The following NCK2 variants were observed in gnomAD, a reference collection of about 807,000 sequenced individuals.
The protein encoded by NCK2 is NCK adaptor protein 2.
In NCK2, 16 loss-of-function variants were observed where a neutral mutation model predicts 33.9. The observed-to-expected ratio is 0.47, with a 90% CI of 0.32 to 0.72. The LOEUF is 0.72. Ranked by LOEUF, NCK2 falls within the 30% of genes least tolerant of loss-of-function variation. The pLI, the probability that NCK2 is intolerant of heterozygous loss-of-function variation, is 0.03. For synonymous variants in NCK2, 273 were observed against 239.9 expected (o/e 1.14, Z -1.27); for missense variants, 418 against 537.3 (o/e 0.78, Z 2.19).
intron 3 of NCK2, among the ~76,000 whole-genome samples, chr2:105,879,569 G>A (rs182585168): frequency 5.9e-5 from 9 of 152,356 alleles, no homozygotes; most frequent in Non-Finnish European, 8.8e-5. Context: ...CCATGCACAT[G>A]CATAAAATGT....
intron 1 of NCK2, among the ~76,000 whole-genome samples, chr2:105,777,773 A>G (rs1206105451): frequency 6.6e-6 from 1 of 152,148 alleles, no homozygotes; most frequent in Non-Finnish European, 1.5e-5. Context: ...AAGCCCTGGT[A>G]GGAACTGTTT....
intron 1 of NCK2, among the ~76,000 whole-genome samples, chr2:105,789,025 C>A (rs983582757): frequency 1.3e-5 from 2 of 152,142 alleles, no homozygotes; most frequent in Non-Finnish European, 2.9e-5. Flanking sequence ...CTCTGCCAAT[C>A]TCCCCCTCCT....
chr2:105,782,368 A>G lies in NCK2; in HGVS notation c.-200-34062A>G, dbSNP rs559569157. Among the ~76,000 whole-genome samples, 65 of 152,276 alleles carry G rather than the reference A, an allele frequency of 4.3e-4. 1 individual carries two copies. Among genetic ancestry groups the G allele is most frequent in the African/African-American group, 1.5e-3 (64 of 41,564 alleles). ...TCTCTCTGCCACCAAAAATCTCCCT[A>G]AAACTAGTTCCACTCTCTCCACAGC... On this transcript the variant is annotated intron_variant, in intron 1 of 4. Coordinates refer to ENST00000233154, the MANE Select transcript of NCK2 (RefSeq NM_003581.5).
intron 1 of NCK2, among the ~76,000 whole-genome samples, chr2:105,751,882 A>C (rs1291942844): frequency 1.3e-5 from 2 of 152,236 alleles, no homozygotes; most frequent in African/African-American, 2.4e-5. Context: ...GTGAACCACA[A>C]ATGCAAGCCC....
intron 1 of NCK2, among the ~76,000 whole-genome samples, chr2:105,775,825 G>T (rs1460115720): frequency 6.6e-6 from 1 of 151,978 alleles, no homozygotes; most frequent in Non-Finnish European, 1.5e-5. Context: ...GTGTTTTTGT[G>T]CACTAATCAG....
rs538800780 is a variant in NCK2 at position 105,825,550 on chromosome 2, C to T, written c.-17+8937C>T. Among the ~76,000 whole-genome samples the T allele has an allele frequency of 4.6e-5, 7 of 152,326 alleles. No individual in the cohort carries two copies. In the South Asian group the frequency reaches 1.4e-3, roughly 32 times the overall value. ...ATTTCTTCCCACACCTGGTGTTTTCCACTTTGGAGATTCTGGCTTGGGGGA... is the reference window on the plus strand; with the variant it reads ...ATTTCTTCCCACACCTGGTGTTTTCTACTTTGGAGATTCTGGCTTGGGGGA... On this transcript the variant is annotated intron_variant, in intron 2 of 4. Transcript: ENST00000233154.
chr2:105,849,600 AGG>A (rs1676984489), intron 2 of NCK2, among the ~76,000 whole-genome samples: 1 of 152,198 alleles, frequency 6.6e-6, no homozygotes, highest in African/African-American at 2.4e-5. Flanking sequence ...GTAAGTGACC[AGG>A]TGGTCTCTGG....
rs147616753 is a variant in NCK2 at position 105,880,575 on chromosome 2, C to T, written c.227-753C>T. Among the ~76,000 whole-genome samples, 383 of 152,228 alleles carry T rather than the reference C, an allele frequency of 2.5e-3. 1 individual carries two copies. The highest frequency in any genetic ancestry group is 7.6e-3 in the African/African-American group (317 of 41,522). On this transcript the variant is annotated intron_variant, in intron 3 of 4. Coordinates refer to ENST00000233154, the MANE Select transcript of NCK2 (RefSeq NM_003581.5). ...GGGGCAGGGCAGGTTATACAGGCTG[C>T]GTTCCCTAAGACTGGATGGTCTTAG...
At chr2:105,886,259 G>A (rs566997235) in intron 4 of NCK2, among the ~76,000 whole-genome samples, 1 of 152,296 alleles carries the variant, frequency 6.6e-6, no homozygotes, top group Admixed American at 6.5e-5. Flanking sequence ...AGATGGAAAG[G>A]CCTGCAAGAT....
Position 105,855,195 on chromosome 2 carries a change from G to A in NCK2, c.132G>A (p.Ala44=), listed in dbSNP as rs549491987. Residue 44 remains alanine, a synonymous_variant, in exon 3 of 5, where the codon GCG becomes GCA. Coordinates refer to ENST00000233154, the MANE Select transcript of NCK2 (RefSeq NM_003581.5). Reference sequence around the variant, plus strand: ...AGACGTGGTGGCGGGTGAGGAACGCGGCCAACAGGACGGGCTATGTACCGT... The same window carrying A: ...AGACGTGGTGGCGGGTGAGGAACGCAGCCAACAGGACGGGCTATGTACCGT... ...DSKTWWRVRN[A]ANRTGYVPSN... is the part of the protein sequence containing the mutation. The A allele has an allele frequency of 9.5e-5, 154 of 1,614,144 alleles. 1 individual carries two copies. In the South Asian group the frequency reaches 1.4e-3, roughly 15 times the overall value.
intron 2 of NCK2, among the ~76,000 whole-genome samples, chr2:105,818,297 A>AGGGGGGC (rs1558852325): frequency 1.3e-5 from 1 of 75,314 alleles, no homozygotes; most frequent in Non-Finnish European, 2.6e-5. Context: ...GGGAGGGGGG[A>AGGGGGGC]GGGATAGCAT....
chr2:105,885,152 G>C (rs949330617), intron 4 of NCK2, among the ~76,000 whole-genome samples: 8 of 152,216 alleles, frequency 5.3e-5, no homozygotes, highest in Non-Finnish European at 1.0e-4. Flanking sequence ...GAAAATGACA[G>C]ATCACAACTA....
At chr2:105,775,943 CA>C (rs1005279449) in intron 1 of NCK2, among the ~76,000 whole-genome samples, 1 of 152,048 alleles carries the variant, frequency 6.6e-6, no homozygotes, top group African/African-American at 2.4e-5. Flanking sequence ...CCACCACCAA[CA>C]AAAAAAACAG....
chr2:105,805,840 C>T (rs754468383), intron 1 of NCK2, among the ~76,000 whole-genome samples: 27 of 152,082 alleles, frequency 1.8e-4, no homozygotes, highest in Non-Finnish European at 3.5e-4. Context: ...TTCCTTAACC[C>T]GAATACCTGG....
chr2:105,828,186 A>G (rs1267806046), intron 2 of NCK2, among the ~76,000 whole-genome samples: 3 of 152,198 alleles, frequency 2.0e-5, no homozygotes, highest in Non-Finnish European at 4.4e-5. Flanking sequence ...GAAGTGTGCA[A>G]GCTTACATAG....
intron 1 of NCK2, among the ~76,000 whole-genome samples, chr2:105,794,450 A>C (rs1573601518): frequency 6.6e-6 from 1 of 152,152 alleles, no homozygotes; most frequent in East Asian, 1.9e-4. Flanking sequence ...TTATTTATAT[A>C]CAATATATAT....
At chr2:105,864,547 C>T (rs1490991671) in intron 3 of NCK2, among the ~76,000 whole-genome samples, 4 of 152,032 alleles carry the variant, frequency 2.6e-5, no homozygotes, top group African/African-American at 9.7e-5. Context: ...GAGAAGGCTG[C>T]AGGTGTGAAT....
At chr2:105,866,199 C>G (rs1677745966) in intron 3 of NCK2, among the ~76,000 whole-genome samples, 1 of 152,172 alleles carries the variant, frequency 6.6e-6, no homozygotes, top group Non-Finnish European at 1.5e-5. Context: ...CAGGCGTGAG[C>G]CACCGTGGCC....
At chr2:105,779,136 G>C (rs1187880860) in intron 1 of NCK2, among the ~76,000 whole-genome samples, 1 of 151,880 alleles carries the variant, frequency 6.6e-6, no homozygotes, top group Non-Finnish European at 1.5e-5. Flanking sequence ...GTGAAACCCT[G>C]TCTCTACTAA....
Sources: gnomAD v4.1 joint callset for allele counts (sites outside exome capture counted in the v4.1 genomes callset) on GRCh38, gnomAD v4.1.1 for gene constraint, MANE v1.5 for transcripts, NCBI Gene and HGNC (gene_info 2026-07-23, HGNC 2026-07-21) for gene names.